Variants in ZNF426 observed in about 807,000 individuals in gnomAD.
ZNF426 encodes the protein CTC-543D15.7.
A neutral mutation model predicts 24.0 loss-of-function variants in ZNF426; 23 were observed. That is an observed-to-expected ratio of 0.96 (90% confidence interval 0.69 to 1.36). The LOEUF (loss-of-function observed/expected upper bound fraction) is 1.36, where lower values mean the gene tolerates loss of function less well. ZNF426 is among the 40% of genes most tolerant of loss of function. ZNF426 has a pLI of 0.00. For synonymous variants in ZNF426, 272 were observed against 224.6 expected, an observed-to-expected ratio of 1.21 and a Z score of -1.89; for missense variants, 646 against 658.4, an observed-to-expected ratio of 0.98 and a Z score of 0.21.
At chr19:9,535,714 G>C (rs779179203) in intron 3 of ZNF426, among the ~76,000 whole-genome samples, 5 of 151,956 alleles carry the variant, frequency 3.3e-5, no homozygotes, top group Non-Finnish European at 7.4e-5. Flanking sequence ...TGTGCCTGCA[G>C]TCCCAGGTAC....
chr19:9,529,786 G>A (rs774515238), intron 7 of ZNF426, 150 bp from the exon 8 acceptor site: 8 of 753,114 alleles, frequency 1.1e-5, no homozygotes, highest in Non-Finnish European at 1.4e-5. Context: ...TTTATTTTAA[G>A]TGGTATGACT....
Position 9,528,116 on chromosome 19 carries a change from G to T in ZNF426, c.*264C>A. 3.2e-6 allele frequency: 1 copy of T among 316,668 alleles called. No individual in the cohort carries two copies. Among genetic ancestry groups the T allele is most frequent in the Admixed American group, 4.7e-5 (1 of 21,354 alleles). The allele number at this position is 316,668 out of a possible 1,614,324, so 19.6% of individuals were successfully genotyped here. On this transcript the variant is annotated 3_prime_UTR_variant, in exon 8 of 8. Coordinates refer to ENST00000253115, the MANE Select transcript of ZNF426 (RefSeq NM_024106.3). ...TGATTCACTTGCCTCAGCCTCCCAA[G>T]TAGCTGGGATTACAGGTGCCCACCA...
Position 9,534,355 on chromosome 19 carries a change from G to A in ZNF426, c.118-389C>T, listed in dbSNP as rs138153087. Among the ~76,000 whole-genome samples the A allele has an allele frequency of 3.5e-3, 531 of 151,982 alleles. 3 individuals carry two copies. Among genetic ancestry groups the A allele is most frequent in the Non-Finnish European group, 5.8e-3 (395 of 67,970 alleles). On this transcript the variant is annotated intron_variant, in intron 4 of 7. Transcript: ENST00000253115. The stretch of plus-strand genomic sequence containing the variant: ...TGAGTAGCTGAAATTACAGGCACAC[G>A]CCACCATGCCCGGCTAATTTTTTGT...
chr19:9,533,010 G>T, intron 5 of ZNF426, 85 bp from the exon 6 acceptor site: 1 of 1,144,438 alleles, frequency 8.7e-7, no homozygotes, highest in East Asian at 2.4e-5. Flanking sequence ...CAGATCTAAT[G>T]AAAGTGGTGA....
intron 2 of ZNF426, among the ~76,000 whole-genome samples, chr19:9,536,821 T>TC (rs2073972869): frequency 1.7e-5 from 2 of 115,630 alleles, no homozygotes; most frequent in South Asian, 5.8e-4. Flanking sequence ...TTTATCTGGT[T>TC]AATTTTTTTC....
At chr19:9,534,416 A>G (rs764477133) in intron 4 of ZNF426, among the ~76,000 whole-genome samples, 13 of 151,868 alleles carry the variant, frequency 8.6e-5, no homozygotes, top group Non-Finnish European at 1.6e-4. Flanking sequence ...CATACTGGCT[A>G]GGTTGGTCTC....
At position 9,532,854 on chromosome 19, in the gene ZNF426, C is replaced by A. The variant is rs764393739; in HGVS notation, c.316G>T (p.Val106Phe). The A allele has an allele frequency of 2.0e-5, 32 of 1,613,272 alleles. No individual in the cohort carries two copies. The highest frequency in any genetic ancestry group is 2.6e-5 in the Non-Finnish European group (31 of 1,179,546). Residue 106 changes from valine (V) to phenylalanine (F), a missense_variant, in exon 6 of 8, where the codon GTT (valine) becomes TTT (phenylalanine). By Grantham distance (50) the Val-to-Phe change is conservative. Transcript: ENST00000253115. ...QEESRTVQGG[V>F]LQGWEMRLET... is the part of the protein sequence containing the mutation. ...CTTCATGAACACTCACCTTGGAGAA[C>A]TCCTCCCTGAACTGTCCTTGACTCT... is the stretch of plus-strand genomic sequence containing the variant.
chr19:9,535,949 T>C (rs566272711), intron 3 of ZNF426, among the ~76,000 whole-genome samples: 7 of 151,706 alleles, frequency 4.6e-5, no homozygotes, highest in African/African-American at 1.5e-4. Flanking sequence ...AAAAGTACAA[T>C]AGTCTCATTT....
rs752500787 is a variant in ZNF426, at chr19:9,535,299, A to G, written c.26-20T>C. The G allele has an allele frequency of 3.8e-6, 6 of 1,595,840 alleles. No individual in the cohort carries two copies. The highest frequency in any genetic ancestry group is 4.3e-6 in the Non-Finnish European group (5 of 1,164,414). On this transcript the variant is annotated intron_variant, in intron 3 of 7. Coordinates refer to ENST00000253115, the MANE Select transcript of ZNF426 (RefSeq NM_024106.3). ...AATGTCCTGTAAGAAAATGAAGGCAAGAGAACCCCGAGCTGACCATAATCC... is the reference window on the plus strand; with the variant it reads ...AATGTCCTGTAAGAAAATGAAGGCAGGAGAACCCCGAGCTGACCATAATCC...
chr19:9,536,318 G>T lies in ZNF426; in HGVS notation c.-86C>A. ...ACCTCATTAATCTAAATGGACAGTG[G>T]CAATCTCCATTCCTCTTTAAACAGG... On this transcript the variant is annotated 5_prime_UTR_variant, in exon 3 of 8. Coordinates refer to ENST00000253115, the MANE Select transcript of ZNF426 (RefSeq NM_024106.3). 6.2e-7 allele frequency: 1 copy of T among 1,612,538 alleles called. No homozygotes were observed. Among genetic ancestry groups the T allele is most frequent in the East Asian group, 2.2e-5 (1 of 44,860 alleles).
At position 9,529,432 on chromosome 19, in the gene ZNF426, T is replaced by G. The variant is rs775764453; in HGVS notation, c.613A>C (p.Ile205Leu). 1 of 1,613,588 alleles carries G rather than the reference T, an allele frequency of 6.2e-7. No individual in the cohort carries two copies. The highest frequency in any genetic ancestry group is 8.5e-7 in the Non-Finnish European group (1 of 1,179,902). Residue 205 changes from isoleucine to leucine, a missense_variant, in exon 8 of 8, where the codon ATC (isoleucine) becomes CTC (leucine). Coordinates refer to ENST00000253115, the MANE Select transcript of ZNF426 (RefSeq NM_024106.3). ...ACAATATTTGGTGTCAGGCTGAAGATTTTTTCACTCTGATTAAACTCAGAA... is the reference window on the plus strand; with the variant it reads ...ACAATATTTGGTGTCAGGCTGAAGAGTTTTTCACTCTGATTAAACTCAGAA... ...KLSEFNQSEKIFSLTPNIVYQ... is the reference protein window; with the variant it reads ...KLSEFNQSEKLFSLTPNIVYQ...
chr19:9,536,188 A>T lies in ZNF426; in HGVS notation c.25+20T>A. 1 of 1,614,172 alleles carries T rather than the reference A, an allele frequency of 6.2e-7. No individual in the cohort carries two copies. The highest frequency in any genetic ancestry group is 8.5e-7 in the Non-Finnish European group (1 of 1,180,026). On this transcript the variant is annotated intron_variant, in intron 3 of 7. Coordinates refer to ENST00000253115, the MANE Select transcript of ZNF426 (RefSeq NM_024106.3). ...AGGGAACCTAGAACAGGATATCCTAAAAAGAGCAACAGAGCTTACCATGGG... is the reference window on the plus strand; with the variant it reads ...AGGGAACCTAGAACAGGATATCCTATAAAGAGCAACAGAGCTTACCATGGG...
At chr19:9,538,230 C>G (rs1279878353) in intron 2 of ZNF426, 29 bp downstream of exon 2, 3 of 152,132 alleles carry the variant, frequency 2.0e-5, no homozygotes, top group Non-Finnish European at 2.9e-5. Flanking sequence ...GAAAAGGCCC[C>G]CTAGAACCAA....
Position 9,535,245 on chromosome 19 carries a change from A to T in ZNF426, c.60T>A (p.His20Gln), listed in dbSNP as rs762227636. Residue 20 changes from histidine (H) to glutamine (Q), a missense_variant, in exon 4 of 8, where the codon CAT becomes CAA. Transcript: ENST00000253115. ...HYLSGDPVCL[H>Q]EEKTPAGRIV... ...TTCTTCCTGCTGGTGTCTTTTCTTC[A>T]TGAAGGCAAACTGGGTCCCCAGAAA... The T allele has an allele frequency of 2.5e-6, 4 of 1,613,542 alleles. No homozygotes were observed. Among genetic ancestry groups the T allele is most frequent in the Non-Finnish European group, 3.4e-6 (4 of 1,179,646 alleles).
At position 9,528,624 on chromosome 19, in the gene ZNF426, T is replaced by G; in HGVS notation, c.1421A>C (p.Lys474Thr). ...KIHMRIHTGE[K>T]PYECKQCGKA... Reference sequence around the variant, plus strand: ...TCCACATTGTTTACACTCATAGGGTTTTTCTCCAGTGTGGATTCGCATGTG... The same window carrying G: ...TCCACATTGTTTACACTCATAGGGTGTTTCTCCAGTGTGGATTCGCATGTG... Residue 474 changes from lysine (K) to threonine (T), a missense_variant, in exon 8 of 8, where the codon AAA (lysine) becomes ACA (threonine). Lys to Thr is a moderately conservative substitution (Grantham distance 78, BLOSUM62 -1). Coordinates refer to ENST00000253115, the MANE Select transcript of ZNF426 (RefSeq NM_024106.3). 1 of 1,614,064 alleles carries G rather than the reference T, an allele frequency of 6.2e-7. No individual in the cohort carries two copies. The highest frequency in any genetic ancestry group is 2.2e-5 in the East Asian group (1 of 44,872).
chr19:9,538,573 AC>A lies in ZNF426; in HGVS notation c.-212+1del, dbSNP rs1024332132. On this transcript the variant is annotated splice_donor_variant, in intron 1 of 7. Coordinates refer to ENST00000253115, the MANE Select transcript of ZNF426 (RefSeq NM_024106.3). LOFTEE classifies it low-confidence loss of function (5UTR_SPLICE). ...AAACCAGTTCATCTCCTCGGAACTCACCCAGGCCAGTGAGGCCTTAACTCTG... is the reference window on the plus strand; with the variant it reads ...AAACCAGTTCATCTCCTCGGAACTCACCAGGCCAGTGAGGCCTTAACTCTG... 1 of 152,124 alleles carries A rather than the reference AC, an allele frequency of 6.6e-6. No homozygotes were observed. The highest frequency in any genetic ancestry group is 6.6e-5 in the Admixed American group (1 of 15,248). 9.4% of individuals were successfully genotyped at this position (152,124 alleles called of 1,614,324 possible). A position where few individuals can be genotyped will look rare whatever the true frequency, so the allele number is the denominator to read the frequency against.
In ZNF426 at chr19:9,524,149, G is replaced by A. The variant is rs1337993549; in HGVS notation, c.*4231C>T. On this transcript the variant is annotated 3_prime_UTR_variant, in exon 8 of 8. Transcript: ENST00000253115. ...CTGGGAATCCTGACATACACTTTAA[G>A]GCTTGAGAAATAAGTGAAGATTTTC... The A allele has an allele frequency of 6.6e-6, 1 of 152,586 alleles. No homozygotes were observed. Among genetic ancestry groups the A allele is most frequent in the Non-Finnish European group, 1.5e-5 (1 of 68,122 alleles). 9.5% of individuals were successfully genotyped at this position (152,586 alleles called of 1,614,324 possible).
chr19:9,529,227 G>A lies in ZNF426; in HGVS notation c.818C>T (p.Thr273Ile). The stretch of plus-strand genomic sequence containing the variant: ...TTTGTAGGGCTTTTTTGCATTGAGG[G>A]TTTCTATAAGCACAGAAAGGCTTGT... ...DSTSLSVLIETLNAKKPYKCK... is the reference protein window; with the variant it reads ...DSTSLSVLIEILNAKKPYKCK... The change falls in exon 8 of 8, where the codon ACC becomes ATC. Residue 273 changes from threonine to isoleucine, a missense_variant. Coordinates refer to ENST00000253115, the MANE Select transcript of ZNF426 (RefSeq NM_024106.3). 1 of 1,613,922 alleles carries A rather than the reference G, an allele frequency of 6.2e-7. No individual in the cohort carries two copies. Among genetic ancestry groups the A allele is most frequent in the Non-Finnish European group, 8.5e-7 (1 of 1,179,962 alleles).
chr19:9,529,760 G>T, intron 7 of ZNF426, 124 bp from the exon 8 acceptor site: 1 of 863,084 alleles, frequency 1.2e-6, no homozygotes, highest in South Asian at 1.9e-5. Context: ...CATGCATTCA[G>T]GTCCTTCCCT....
Sources: gnomAD v4.1 joint callset for allele counts (sites outside exome capture counted in the v4.1 genomes callset) on GRCh38, gnomAD v4.1.1 for gene constraint, MANE v1.5 for transcripts, NCBI Gene and HGNC (gene_info 2026-07-23, HGNC 2026-07-21) for gene names.